The following KRT77 variants were observed in gnomAD, a reference collection of about 807,000 sequenced individuals.
KRT77 encodes keratin, type II cytoskeletal 1b.
A neutral mutation model predicts 51.5 loss-of-function variants in KRT77; 44 were observed. That is an observed-to-expected ratio of 0.85 (90% confidence interval 0.67 to 1.10). KRT77 has a LOEUF of 1.10. Among genes scored for constraint, KRT77 ranks in the 50% least tolerant of loss-of-function variants. The pLI, the probability that KRT77 is intolerant of heterozygous loss-of-function variation, is 0.00. For missense variants in KRT77, 763 were observed against 743.9 expected (o/e 1.03, Z -0.30); for synonymous variants, 293 against 302.0 (o/e 0.97, Z 0.31).
At position 52,695,761 on chromosome 12, in the gene KRT77, G is replaced by A. The variant is rs1157650972; in HGVS notation, c.915+11C>T. ...GAAAAGAAAGGAGGTTCTTATAAAG[G>A]CTTAACTCACCGTCAAAAATAAATA... On this transcript the variant is annotated intron_variant, in intron 4 of 8. Coordinates refer to ENST00000341809, the MANE Select transcript of KRT77 (RefSeq NM_175078.3). The A allele has an allele frequency of 6.3e-7, 1 of 1,591,718 alleles. No individual in the cohort carries two copies. The highest frequency in any genetic ancestry group is 8.6e-7 in the Non-Finnish European group (1 of 1,159,874).
At chr12:52,701,520 C>T (rs1342492930) in intron 1 of KRT77, among the ~76,000 whole-genome samples, 1 of 152,222 alleles carries the variant, frequency 6.6e-6, no homozygotes, top group African/African-American at 2.4e-5. Flanking sequence ...CAGCACTGAA[C>T]TCCCGTGGGG....
Position 52,691,059 on chromosome 12 carries a change from C to T in KRT77, c.*106G>A, listed in dbSNP as rs905239844. 2.0e-6 allele frequency: 3 copies of T among 1,530,420 alleles called. No individual in the cohort carries two copies. The highest frequency in any genetic ancestry group is 2.7e-5 in the African/African-American group (2 of 73,182). 94.8% of individuals were successfully genotyped at this position (1,530,420 alleles called of 1,614,324 possible). ...GAATTTATTGGCAAAATTGCTGAGA[C>T]CCATTAAGAAAAGTGAATGAGAGGG... On this transcript the variant is annotated 3_prime_UTR_variant, in exon 9 of 9. Coordinates refer to ENST00000341809, the MANE Select transcript of KRT77 (RefSeq NM_175078.3).
intron 1 of KRT77, chr12:52,698,120 C>G: frequency 6.9e-7 from 1 of 1,453,508 alleles, no homozygotes; most frequent in South Asian, 1.2e-5. Flanking sequence ...TGACACTAAG[C>G]TCACTCTGGT....
chr12:52,698,587 A>G (rs1215073004), intron 1 of KRT77, among the ~76,000 whole-genome samples: 1 of 152,186 alleles, frequency 6.6e-6, no homozygotes, highest in Non-Finnish European at 1.5e-5. Context: ...TGGAGAGTGG[A>G]CATCACCCAA....
intron 1 of KRT77, among the ~76,000 whole-genome samples, chr12:52,701,975 CTG>C (rs1304777171): frequency 6.6e-6 from 1 of 152,214 alleles, no homozygotes; most frequent in Non-Finnish European, 1.5e-5. Flanking sequence ...GGAATTGTAA[CTG>C]TTTGAAATTC....
intron 1 of KRT77, 129 bp from the exon 2 acceptor site, chr12:52,698,025 G>C: frequency 1.4e-6 from 2 of 1,420,204 alleles, no homozygotes; most frequent in Non-Finnish European, 1.9e-6. Context: ...AAGGGTCAGA[G>C]AGCTTCCTTT....
At position 52,703,320 on chromosome 12, in the gene KRT77, AAC is replaced by A. The variant is rs1474919694; in HGVS notation, c.113_114del (p.Cys38LeufsTer21). Reference protein sequence around the residue: ...GGGSPAVGSVCYARGRCGGGG... With the variant: ...GGGSPAVGSVXYARGRCGGGG... ...CCACCACCACACCTCCCTCGAGCAT[AAC>A]ACACAGAACCCACTGCCGGACTCCC... On this transcript the variant is annotated frameshift_variant, in exon 1 of 9. Coordinates refer to ENST00000341809, the MANE Select transcript of KRT77 (RefSeq NM_175078.3). LOFTEE classifies it high-confidence loss of function. 5 of 1,613,958 alleles carry A rather than the reference AAC, an allele frequency of 3.1e-6. No individual in the cohort carries two copies. In the East Asian group the frequency reaches 1.1e-4, roughly 36 times the overall value.
In KRT77 at chr12:52,690,218, G is replaced by C. The variant is rs1273946849; in HGVS notation, c.*947C>G. The C allele has an allele frequency of 6.6e-6, 1 of 152,238 alleles. No homozygotes were observed. Among genetic ancestry groups the C allele is most frequent in the Non-Finnish European group, 1.5e-5 (1 of 68,066 alleles). The allele number at this position is 152,238 out of a possible 1,614,324, so 9.4% of individuals were successfully genotyped here. On this transcript the variant is annotated 3_prime_UTR_variant, in exon 9 of 9. Coordinates refer to ENST00000341809, the MANE Select transcript of KRT77 (RefSeq NM_175078.3). The stretch of plus-strand genomic sequence containing the variant: ...AGAATGGAGCTGTCAGGAGGAAACA[G>C]GACAGAAGCAGAACTTGCTTGTCTG...
intron 4 of KRT77, 146 bp from the exon 5 acceptor site, chr12:52,694,936 A>T: frequency 1.6e-6 from 1 of 628,096 alleles, no homozygotes; most frequent in Admixed American, 3.2e-5. Context: ...GTTGTGTGCA[A>T]TGAGAGATAA....
At chr12:52,694,864 C>T in intron 4 of KRT77, 74 bp from the exon 5 acceptor site, 1 of 1,366,364 alleles carries the variant, frequency 7.3e-7, no homozygotes, top group Non-Finnish European at 9.8e-7. Flanking sequence ...GCTGCTCCCT[C>T]AAGGCTCTCG....
chr12:52,692,642 C>A lies in KRT77; in HGVS notation c.1207-1G>T. The A allele has an allele frequency of 6.4e-7, 1 of 1,565,064 alleles. No individual in the cohort carries two copies. Among genetic ancestry groups the A allele is most frequent in the Non-Finnish European group, 8.8e-7 (1 of 1,142,176 alleles). ...AAATGAGTGACTGCATCTGTTCAAT[C>A]TGCTCCAGAGACAGTTGGAGACCAT... is the stretch of plus-strand genomic sequence containing the variant. On this transcript the variant is annotated splice_acceptor_variant, in intron 6 of 8. Coordinates refer to ENST00000341809, the MANE Select transcript of KRT77 (RefSeq NM_175078.3). LOFTEE classifies it high-confidence loss of function.
chr12:52,702,305 T>C (rs1280842031), intron 1 of KRT77, among the ~76,000 whole-genome samples: 1 of 152,222 alleles, frequency 6.6e-6, no homozygotes, highest in Non-Finnish European at 1.5e-5. Context: ...GTCTGGCCTA[T>C]CATAGATTCT....
Position 52,703,373 on chromosome 12 carries a change from G to A in KRT77, c.62C>T (p.Thr21Ile). 4 of 1,613,394 alleles carry A rather than the reference G, an allele frequency of 2.5e-6. No homozygotes were observed. The highest frequency in any genetic ancestry group is 2.5e-6 in the Non-Finnish European group (3 of 1,179,678). The part of the protein sequence containing the change: ...FSSMSRRVYS[T>I]SSSAGSGGGS... ...ACCACCAGAGCCTGCAGAAGAGCTG[G>A]TACTATAAACCCGCCTGCTCATTGA... is the stretch of plus-strand genomic sequence containing the variant. Residue 21 changes from threonine (T) to isoleucine (I), a missense_variant, in exon 1 of 9, where the codon ACC becomes ATC. Physicochemically the swap from Thr to Ile is moderately conservative, Grantham distance 89. Coordinates refer to ENST00000341809, the MANE Select transcript of KRT77 (RefSeq NM_175078.3).
Position 52,692,860 on chromosome 12 carries a change from C to T in KRT77, c.1101G>A (p.Thr367=), listed in dbSNP as rs746182922. Reference sequence around the variant, plus strand: ...TCAGGTCGTCTCCATGTCTCCCTGCCGTGATCTGGAGCTCCTGGTACTGGG... The same window carrying T: ...TCAGGTCGTCTCCATGTCTCCCTGCTGTGATCTGGAGCTCCTGGTACTGGG... The part of the protein sequence containing the change: ...YQTKYQELQI[T]AGRHGDDLKN... Residue 367 remains threonine, a synonymous_variant, in exon 6 of 9, where the codon ACG becomes ACA. Coordinates refer to ENST00000341809, the MANE Select transcript of KRT77 (RefSeq NM_175078.3). The T allele has an allele frequency of 5.6e-6, 9 of 1,603,964 alleles. No individual in the cohort carries two copies. The highest frequency in any genetic ancestry group is 1.7e-4 in the Middle Eastern group (1 of 6,060).
At chr12:52,692,375 G>C in intron 7 of KRT77, 46 bp downstream of exon 7, 1 of 1,593,842 alleles carries the variant, frequency 6.3e-7, no homozygotes, top group Non-Finnish European at 8.6e-7. Context: ...CAGCTTCATG[G>C]GTGCATCTCA....
At chr12:52,695,648 G>T in intron 4 of KRT77, 124 bp downstream of exon 4, 3 of 645,418 alleles carry the variant, frequency 4.6e-6, no homozygotes, top group South Asian at 3.7e-5. Context: ...ACAGAGTTGG[G>T]GTACCTGGGG....
chr12:52,692,494 T>A lies in KRT77; in HGVS notation c.1354A>T (p.Met452Leu). 1.2e-6 allele frequency: 2 copies of A among 1,614,022 alleles called. No individual in the cohort carries two copies. Among genetic ancestry groups the A allele is most frequent in the Non-Finnish European group, 1.7e-6 (2 of 1,179,980 alleles). Residue 452 changes from methionine (M) to leucine (L), a missense_variant, in exon 7 of 9, where the codon ATG (methionine) becomes TTG (leucine). Physicochemically the swap from Met to Leu is conservative, Grantham distance 15. Transcript: ENST00000341809. ...LARLLRDYQA[M>L]LGVKLSLDVE... ...TCCAGGGACAGCTTGACCCCCAGCATGGCCTGGTAGTCACGCAGCAGCCGG... is the reference window on the plus strand; with the variant it reads ...TCCAGGGACAGCTTGACCCCCAGCAAGGCCTGGTAGTCACGCAGCAGCCGG...
rs780937243 is a variant in KRT77 at position 52,691,403 on chromosome 12, G to A, written c.1499C>T (p.Ala500Val). The part of the protein sequence containing the change: ...QNSQVSVNGG[A>V]GGGGSYGSGG... ...TGAGCCGTAGCTGCCGCCGCCTCCC[G>A]CGCCGCCGTTGACGCTCACCTGGCT... The change falls in exon 9 of 9, where the codon GCG (alanine) becomes GTG (valine). Residue 500 changes from alanine (A) to valine (V), a missense_variant. Physicochemically the swap from Ala to Val is moderately conservative, Grantham distance 64 (BLOSUM62 0). Transcript: ENST00000341809. 3 of 1,598,966 alleles carry A rather than the reference G, an allele frequency of 1.9e-6. No individual in the cohort carries two copies. The highest frequency in any genetic ancestry group is 2.5e-6 in the Non-Finnish European group (3 of 1,176,534).
chr12:52,691,723 G>C (rs769681123), intron 8 of KRT77, among the ~76,000 whole-genome samples: 16 of 152,206 alleles, frequency 1.1e-4, no homozygotes, highest in Admixed American at 2.6e-4. Context: ...TAATAAAAAG[G>C]CATCATAACA....
Sources: gnomAD v4.1 joint callset for allele counts (sites outside exome capture counted in the v4.1 genomes callset) on GRCh38, gnomAD v4.1.1 for gene constraint, MANE v1.5 for transcripts, NCBI Gene and HGNC (gene_info 2026-07-23, HGNC 2026-07-21) for gene names.